Variants in RBFOX1 observed in about 807,000 individuals in gnomAD.
RBFOX1 encodes RNA binding protein fox-1 homolog 1.
Under a neutral mutation model 57.7 loss-of-function variants are expected in RBFOX1, and 8 were observed. The ratio of observed to expected loss-of-function variants is 0.14; its 90% CI spans 0.08 to 0.25. The LOEUF (loss-of-function observed/expected upper bound fraction) is 0.25. Among genes scored for constraint, RBFOX1 ranks in the 10% least tolerant of loss-of-function variants. RBFOX1 has a pLI of 1.00. For synonymous variants in RBFOX1, 326 were observed against 222.4 expected (o/e 1.47, Z -4.15); for missense variants, 611 against 548.5 (o/e 1.11, Z -1.14).
At chr16:5,368,595 C>G (rs893791318) in intron 1 of RBFOX1, among the ~76,000 whole-genome samples, 4 of 152,208 alleles carry the variant, frequency 2.6e-5, no homozygotes, top group African/African-American at 4.8e-5. Flanking sequence ...ACAAGCTGCA[C>G]TACACGGTTT....
Position 7,711,808 on chromosome 16 carries a change from G to A in RBFOX1, c.*1063G>A, listed in dbSNP as rs998078004. 6.6e-6 allele frequency: 1 copy of A among 152,522 alleles called. No individual in the cohort carries two copies. The highest frequency in any genetic ancestry group is 1.5e-5 in the Non-Finnish European group (1 of 68,022). The allele number at this position is 152,522 out of a possible 1,614,324, so 9.4% of individuals were successfully genotyped here. ...CATGATAATCATATTCGGATTTATAGAAGCATTTTACAAGTATTGCAATCA... is the reference window on the plus strand; with the variant it reads ...CATGATAATCATATTCGGATTTATAAAAGCATTTTACAAGTATTGCAATCA... On this transcript the variant is annotated 3_prime_UTR_variant, in exon 16 of 16. Coordinates refer to ENST00000550418, the MANE Select transcript of RBFOX1 (RefSeq NM_018723.4).
intron 4 of RBFOX1, among the ~76,000 whole-genome samples, chr16:5,968,235 C>T (rs143212585): frequency 7.7e-4 from 117 of 152,034 alleles, no homozygotes; most frequent in Middle Eastern, 6.8e-3. Context: ...CCACCATGCC[C>T]GGTTAATTTT....
At chr16:5,612,403 A>T (rs953381277) in intron 3 of RBFOX1, among the ~76,000 whole-genome samples, 3 of 152,194 alleles carry the variant, frequency 2.0e-5, no homozygotes, top group East Asian at 1.9e-4. Context: ...TGCTAAGGTT[A>T]TAGTGACAAG....
chr16:6,900,861 A>G (rs142236682), intron 3 of RBFOX1, among the ~76,000 whole-genome samples: 4 of 152,304 alleles, frequency 2.6e-5, no homozygotes, highest in East Asian at 3.9e-4. Flanking sequence ...TGTGAGCTCC[A>G]TGAATGCAGG....
At chr16:7,145,415 C>T (rs1409147315) in intron 4 of RBFOX1, among the ~76,000 whole-genome samples, 3 of 152,154 alleles carry the variant, frequency 2.0e-5, no homozygotes, top group African/African-American at 7.2e-5. Flanking sequence ...CCATGTTGGC[C>T]AGTCTGGTCT....
At chr16:7,220,762 T>A (rs1248255418) in intron 4 of RBFOX1, among the ~76,000 whole-genome samples, 1 of 152,152 alleles carries the variant, frequency 6.6e-6, no homozygotes, top group Non-Finnish European at 1.5e-5. Context: ...GGCCCACATC[T>A]GACCTATCAG....
chr16:7,403,977 A>C (rs1018590126), intron 4 of RBFOX1, among the ~76,000 whole-genome samples: 1 of 150,588 alleles, frequency 6.6e-6, no homozygotes, highest in Non-Finnish European at 1.5e-5. Context: ...TGTTTTTATT[A>C]TTGTGAATAT....
intron 4 of RBFOX1, among the ~76,000 whole-genome samples, chr16:7,233,888 C>T (rs1402431966): frequency 1.3e-5 from 2 of 152,162 alleles, no homozygotes; most frequent in African/African-American, 4.8e-5. Context: ...AGTCAATCAC[C>T]ACTCAACGAG....
chr16:7,480,531 A>G (rs182806544), intron 4 of RBFOX1, among the ~76,000 whole-genome samples: 21 of 152,298 alleles, frequency 1.4e-4, no homozygotes, highest in Non-Finnish European at 2.5e-4. Flanking sequence ...AAAAATACAT[A>G]TATGGTATTT....
At chr16:6,424,437 G>T (rs2093863752) in intron 2 of RBFOX1, among the ~76,000 whole-genome samples, 1 of 152,142 alleles carries the variant, frequency 6.6e-6, no homozygotes, top group Non-Finnish European at 1.5e-5. Flanking sequence ...TCCCCTGGAG[G>T]ACATCTAACC....
At chr16:7,509,037 A>T (rs1413704745) in intron 4 of RBFOX1, among the ~76,000 whole-genome samples, 1 of 152,232 alleles carries the variant, frequency 6.6e-6, no homozygotes, top group African/African-American at 2.4e-5. Context: ...AGAACAAAGT[A>T]CTTGCAGCTT....
At chr16:5,910,460 A>G (rs909095520) in intron 4 of RBFOX1, among the ~76,000 whole-genome samples, 1 of 152,238 alleles carries the variant, frequency 6.6e-6, no homozygotes, top group Non-Finnish European at 1.5e-5. Flanking sequence ...AGGATGAAAC[A>G]TGGTCAGGAA....
chr16:5,756,223 CAAAAAAAAAAAAAAA>C, intron 3 of RBFOX1, among the ~76,000 whole-genome samples: 1 of 50,954 alleles, frequency 2.0e-5, no homozygotes, highest in Non-Finnish European at 3.5e-5. Context: ...TCCACATAAG[CAAAAAAAAAAAAAAA>C]AAAAAAAAAA....
intron 2 of RBFOX1, among the ~76,000 whole-genome samples, chr16:6,630,320 A>G (rs1464355399): frequency 1.3e-5 from 2 of 152,162 alleles, no homozygotes; most frequent in Non-Finnish European, 2.9e-5. Flanking sequence ...AGAAGACATT[A>G]ATTTCAAAAT....
intron 11 of RBFOX1, 76 bp from the exon 12 acceptor site, chr16:7,653,739 C>T (rs1030819656): frequency 8.8e-6 from 14 of 1,588,206 alleles, no homozygotes; most frequent in South Asian, 2.2e-5. Context: ...CAAGGGTTCC[C>T]GGGGCAGTTC....
intron 3 of RBFOX1, among the ~76,000 whole-genome samples, chr16:6,981,985 CAA>C (rs1568210484): frequency 1.3e-5 from 2 of 152,170 alleles, no homozygotes; most frequent in Admixed American, 1.3e-4. Flanking sequence ...AATAAGCCTC[CAA>C]ATAGTGTGTA....
chr16:7,125,372 A>T (rs1196803091), intron 4 of RBFOX1, among the ~76,000 whole-genome samples: 1 of 152,192 alleles, frequency 6.6e-6, no homozygotes, highest in African/African-American at 2.4e-5. Flanking sequence ...GTGCCAGGCA[A>T]ATCAATAGAT....
intron 2 of RBFOX1, among the ~76,000 whole-genome samples, chr16:5,563,621 G>T (rs2151112633): frequency 6.6e-6 from 1 of 152,212 alleles, no homozygotes; most frequent in Admixed American, 6.5e-5. Context: ...TAGTTGACCA[G>T]CCCTGAAATC....
At chr16:6,645,849 C>T (rs1283966835) in intron 2 of RBFOX1, among the ~76,000 whole-genome samples, 2 of 152,070 alleles carry the variant, frequency 1.3e-5, no homozygotes, top group Non-Finnish European at 2.9e-5. Flanking sequence ...ATATGCTTCT[C>T]TTACAAATAG....
Sources: allele counts gnomAD v4.1 joint callset (sites outside exome capture counted in the v4.1 genomes callset), GRCh38; gene constraint gnomAD v4.1.1; transcripts MANE v1.5; gene names NCBI Gene and HGNC (gene_info 2026-07-23, HGNC 2026-07-21).